The following TTC39B variants were observed in gnomAD, a reference collection of about 807,000 sequenced individuals.
TTC39B encodes the protein tetratricopeptide repeat domain 39B, also known as tetratricopeptide repeat protein 39B.
Under a neutral mutation model 96.6 loss-of-function variants are expected in TTC39B, and 92 were observed. That is an observed-to-expected ratio of 0.95 (90% CI 0.80 to 1.13). The LOEUF (loss-of-function observed/expected upper bound fraction) is 1.13. Among genes scored for constraint, TTC39B ranks in the 50% most tolerant of loss-of-function variants. The pLI is 0.00. For synonymous variants in TTC39B, 367 were observed against 299.4 expected (o/e 1.23, Z -2.33); for missense variants, 955 against 809.3 (o/e 1.18, Z -2.18).
chr9:15,199,741 A>AAAAAAAT (rs1819416169), intron 8 of TTC39B, 120 bp downstream of exon 8: 1 of 263,850 alleles, frequency 3.8e-6, no homozygotes, highest in Non-Finnish European at 6.9e-6. Context: ...TCTCAAAAAA[A>AAAAAAAT]AAAAAAAAAA....
At chr9:15,250,255 T>C (rs1822475272) in intron 2 of TTC39B, 1 of 1,091,894 alleles carries the variant, frequency 9.2e-7, no homozygotes, top group Admixed American at 4.9e-5. Context: ...TTTCCCCCAA[T>C]CTCTGCTGCA....
rs1817533417 is a variant in TTC39B, at chr9:15,166,999, TA to T, written c.*5019del. 20 of 6,450 alleles carry T rather than the reference TA, an allele frequency of 3.1e-3. 2 individuals are homozygous for T. The highest frequency in any genetic ancestry group is 5.7e-3 in the South Asian group (1 of 174). 0.4% of individuals were successfully genotyped at this position (6,450 alleles called of 1,614,324 possible). On this transcript the variant is annotated 3_prime_UTR_variant, in exon 20 of 20. Transcript: ENST00000512701. The stretch of plus-strand genomic sequence containing the variant: ...CCTTTATTTTATATATATATATATA[TA>T]TATATATATATATATATATATATAT...
intron 8 of TTC39B, among the ~76,000 whole-genome samples, chr9:15,194,904 G>T (rs1819066339): frequency 6.6e-6 from 1 of 152,130 alleles, no homozygotes; most frequent in Admixed American, 6.5e-5. Flanking sequence ...TATTCCCTCA[G>T]ACAAAACAAA....
intron 1 of TTC39B, among the ~76,000 whole-genome samples, chr9:15,296,533 TGCCTAGGCTGGA>T (rs1002798431): frequency 1.3e-5 from 2 of 152,224 alleles, no homozygotes; most frequent in Non-Finnish European, 2.9e-5. Flanking sequence ...TCACTCTTTT[TGCCTAGGCTGGA>T]GCTCAATAGC....
At chr9:15,216,549 C>T (rs1415828505) in intron 3 of TTC39B, among the ~76,000 whole-genome samples, 1 of 152,164 alleles carries the variant, frequency 6.6e-6, no homozygotes, top group Non-Finnish European at 1.5e-5. Context: ...TGCCTGACAC[C>T]TCCTATAACA....
chr9:15,235,891 A>G (rs1821756081), intron 2 of TTC39B, among the ~76,000 whole-genome samples: 1 of 151,904 alleles, frequency 6.6e-6, no homozygotes, highest in Non-Finnish European at 1.5e-5. Flanking sequence ...AGATCTTATA[A>G]AACAACTACA....
chr9:15,234,398 A>C (rs1367824886), intron 2 of TTC39B, among the ~76,000 whole-genome samples: 7 of 144,728 alleles, frequency 4.8e-5, no homozygotes, highest in Non-Finnish European at 9.1e-5. Flanking sequence ...CCCATCCAGG[A>C]GGGAGGTGGG....
At chr9:15,218,090 C>T (rs958713847) in intron 3 of TTC39B, among the ~76,000 whole-genome samples, 41 of 151,260 alleles carry the variant, frequency 2.7e-4, no homozygotes, top group Non-Finnish European at 5.7e-4. Flanking sequence ...CACCTGTAAT[C>T]CCAACCACTG....
At chr9:15,190,388 C>G (rs1402098765) in intron 11 of TTC39B, among the ~76,000 whole-genome samples, 166 bp downstream of exon 11, 1 of 152,080 alleles carries the variant, frequency 6.6e-6, no homozygotes, top group Non-Finnish European at 1.5e-5. Context: ...GTGGCCCAGG[C>G]TGGATCCAGT....
chr9:15,257,135 T>G (rs1193346707), intron 2 of TTC39B, among the ~76,000 whole-genome samples: 1 of 152,232 alleles, frequency 6.6e-6, no homozygotes, highest in Non-Finnish European at 1.5e-5. Context: ...CTTTGCAAGC[T>G]AAATACAGAT....
chr9:15,256,659 G>C (rs1822761631), intron 2 of TTC39B, among the ~76,000 whole-genome samples: 1 of 152,140 alleles, frequency 6.6e-6, no homozygotes, highest in African/African-American at 2.4e-5. Flanking sequence ...TAACTGTTTT[G>C]GTGGAGTCAC....
At chr9:15,228,960 G>A (rs578175869) in intron 2 of TTC39B, among the ~76,000 whole-genome samples, 5 of 152,224 alleles carry the variant, frequency 3.3e-5, no homozygotes, top group Admixed American at 2.6e-4. Context: ...ACATGTACAC[G>A]AATTCATGGA....
intron 2 of TTC39B, among the ~76,000 whole-genome samples, chr9:15,266,053 C>T (rs558949227): frequency 2.0e-4 from 31 of 152,208 alleles, no homozygotes; most frequent in Admixed American, 6.5e-5. Flanking sequence ...ATCTGGATAA[C>T]GTATGGACTG....
intron 2 of TTC39B, among the ~76,000 whole-genome samples, chr9:15,253,589 T>C (rs189660738): frequency 6.6e-6 from 1 of 152,332 alleles, no homozygotes; most frequent in African/African-American, 2.4e-5. Context: ...ATAGCAGCCA[T>C]AGGAAATTAA....
At chr9:15,170,194 ATCTTTC>A (rs1817603655) in exon 20 of TTC39B, 1 of 51,662 alleles carries the variant, frequency 1.9e-5, no homozygotes, top group Non-Finnish European at 3.7e-5. Flanking sequence ...ATTGATATCT[ATCTTTC>A]ATTGGATATA....
intron 1 of TTC39B, among the ~76,000 whole-genome samples, chr9:15,278,783 C>G (rs1171330139): frequency 6.6e-6 from 1 of 152,220 alleles, no homozygotes; most frequent in Non-Finnish European, 1.5e-5. Context: ...GTGCTTATTT[C>G]TAATTCACAA....
At chr9:15,302,305 G>A (rs568819648) in intron 1 of TTC39B, among the ~76,000 whole-genome samples, 1 of 144,648 alleles carries the variant, frequency 6.9e-6, no homozygotes, top group Admixed American at 7.2e-5. Context: ...CAGCTTGGGT[G>A]ACCAAGCAAG....
At chr9:15,214,915 T>C (rs1432537703) in intron 3 of TTC39B, among the ~76,000 whole-genome samples, 2 of 152,160 alleles carry the variant, frequency 1.3e-5, no homozygotes, top group Non-Finnish European at 2.9e-5. Flanking sequence ...AAAAGGGAAA[T>C]ATTTCAATAA....
chr9:15,183,363 T>A (rs1818345705), intron 16 of TTC39B: 1 of 435,542 alleles, frequency 2.3e-6, no homozygotes, highest in African/African-American at 2.1e-5. Flanking sequence ...GATGATGATC[T>A]TTTAAAAATT....
Sources: allele counts gnomAD v4.1 joint callset (sites outside exome capture counted in the v4.1 genomes callset), GRCh38; gene constraint gnomAD v4.1.1; transcripts MANE v1.5; gene names NCBI Gene and HGNC (gene_info 2026-07-23, HGNC 2026-07-21).